The following COL15A1 variants were observed in gnomAD, a reference collection of about 807,000 sequenced individuals.
The protein encoded by COL15A1 is collagen type XV alpha 1 chain.
In COL15A1, 111 loss-of-function variants were observed where a neutral mutation model predicts 165.9. That is an observed-to-expected ratio of 0.67 (90% CI 0.57 to 0.78). The LOEUF (loss-of-function observed/expected upper bound fraction) is 0.78, where lower values mean the gene tolerates loss of function less well. Ranked by LOEUF, COL15A1 falls within the 30% of genes least tolerant of loss-of-function variation. The pLI is 0.00. For synonymous variants in COL15A1, 659 were observed against 674.8 expected (o/e 0.98, Z 0.36); for missense variants, 1,745 against 1,789.7 (o/e 0.98, Z 0.45).
At chr9:98,983,028 G>A (rs1054494788) in intron 2 of COL15A1, among the ~76,000 whole-genome samples, 5 of 151,986 alleles carry the variant, frequency 3.3e-5, no homozygotes, top group Admixed American at 1.3e-4. Context: ...CTAATTACTC[G>A]CTTTTTTTAA....
In COL15A1 at chr9:99,003,672, T is replaced by C. The variant is rs542789569; in HGVS notation, c.1200+85T>C. ...GGTGGGAGCAGTCACTGGCTTTCCC[T>C]ATGTGTCTGTGAAACACAGTGACAG... On this transcript the variant is annotated intron_variant, in intron 8 of 41. Transcript: ENST00000375001. The C allele has an allele frequency of 1.3e-5, 18 of 1,363,866 alleles. No individual in the cohort carries two copies. In the African/African-American group the frequency reaches 2.5e-4, roughly 19 times the overall value. The allele number at this position is 1,363,866 out of a possible 1,614,324, so 84.5% of individuals were successfully genotyped here. A position where few individuals can be genotyped will look rare whatever the true frequency, so the allele number is the denominator to read the frequency against.
chr9:99,022,056 T>A lies in COL15A1; in HGVS notation c.1702-35T>A, dbSNP rs753045377. 8.1e-6 allele frequency: 13 copies of A among 1,613,116 alleles called. 1 individual carries two copies. The South Asian group carries it at 1.4e-4, about 18-fold the overall frequency. On this transcript the variant is annotated intron_variant, in intron 12 of 41. Coordinates refer to ENST00000375001, the MANE Select transcript of COL15A1 (RefSeq NM_001855.5). The stretch of plus-strand genomic sequence containing the variant: ...AGGTGGGGAGATGGTAGGAACAGAG[T>A]TCCAGCCGTTCACTGACCATTTTGT...
Position 99,024,896 on chromosome 9 carries a change from C to T in COL15A1, c.1877C>T (p.Pro626Leu). ...TAGGGTCCTCCAGGACCCCCAGGGC[C>T]ACCTGGCTTACCTGGGATTCCAGGA... is the stretch of plus-strand genomic sequence containing the variant. ...LLRGPPGPPG[P>L]PGLPGIPGKP... Residue 626 changes from proline (P) to leucine (L), a missense_variant, in exon 15 of 42, where the codon CCA (proline) becomes CTA (leucine). By Grantham distance (98) the Pro-to-Leu change is moderately conservative (BLOSUM62 -3). Transcript: ENST00000375001. The T allele has an allele frequency of 6.2e-7, 1 of 1,613,996 alleles. No individual in the cohort carries two copies. The highest frequency in any genetic ancestry group is 8.5e-7 in the Non-Finnish European group (1 of 1,179,890).
At chr9:98,950,064 C>T (rs1055462953) in intron 2 of COL15A1, among the ~76,000 whole-genome samples, 1 of 152,132 alleles carries the variant, frequency 6.6e-6, no homozygotes, top group African/African-American at 2.4e-5. Context: ...TATGTATATA[C>T]CAAATTTTGT....
Position 99,052,328 on chromosome 9 carries a change from G to C in COL15A1, c.2905-60G>C, listed in dbSNP as rs1157065467. On this transcript the variant is annotated intron_variant, in intron 30 of 41. Coordinates refer to ENST00000375001, the MANE Select transcript of COL15A1 (RefSeq NM_001855.5). The stretch of plus-strand genomic sequence containing the variant: ...CATGCCCCCGGGACAGTGGCTGCCT[G>C]TTTCTGCAAACACCACGGCAGAGCT... 22 of 1,291,758 alleles carry C rather than the reference G, an allele frequency of 1.7e-5. 1 individual carries two copies. The highest frequency in any genetic ancestry group is 1.2e-4 in the South Asian group (10 of 84,556). 80.0% of individuals were successfully genotyped at this position (1,291,758 alleles called of 1,614,324 possible).
chr9:99,020,402 A>T lies in COL15A1; in HGVS notation c.1661A>T (p.His554Leu), dbSNP rs1449954698. 1.2e-6 allele frequency: 2 copies of T among 1,613,612 alleles called. No homozygotes were observed. The highest frequency in any genetic ancestry group is 1.7e-6 in the Non-Finnish European group (2 of 1,179,494). Residue 554 changes from histidine to leucine, a missense_variant, in exon 12 of 42, where the codon CAT (histidine) becomes CTT (leucine). Physicochemically the swap from His to Leu is moderately conservative, Grantham distance 99. Coordinates refer to ENST00000375001, the MANE Select transcript of COL15A1 (RefSeq NM_001855.5). ...ERWITPAQRE[H>L]VGMKGQAGPK... is the part of the protein sequence containing the mutation. ...TTCTTCTTTTAGGCTCAAAGAGAAC[A>T]TGTGGGAATGAAAGGACAGGCTGGG...
intron 14 of COL15A1, 69 bp from the exon 15 acceptor site, chr9:99,024,805 A>C (rs1350158755): frequency 2.1e-5 from 32 of 1,523,996 alleles, no homozygotes. Context: ...GAGAGATTGC[A>C]TGAAGCACAT....
rs1354689344 is a variant in COL15A1, at chr9:98,948,530, G to A, written c.100+4280G>A. Among the ~76,000 whole-genome samples the A allele has an allele frequency of 7.4e-4, 112 of 151,244 alleles. 1 individual carries two copies. Among genetic ancestry groups the A allele is most frequent in the African/African-American group, 1.2e-4 (5 of 41,128 alleles). On this transcript the variant is annotated intron_variant, in intron 2 of 41. Coordinates refer to ENST00000375001, the MANE Select transcript of COL15A1 (RefSeq NM_001855.5). Reference sequence around the variant, plus strand: ...GGAGAATAGCTTGAACCTGGGAGGCGGAGGTTGCAGTGAGCCAAGATCGCG... The same window carrying A: ...GGAGAATAGCTTGAACCTGGGAGGCAGAGGTTGCAGTGAGCCAAGATCGCG...
rs764954474 is a variant in COL15A1, at chr9:99,042,034, A to G, written c.2512-11A>G. ...ACGAACAACCAAATACTATATAACA[A>G]TTCCTTCCAGGGTCCTAGAGGACCA... On this transcript the variant is annotated splice_polypyrimidine_tract_variant and intron_variant, in intron 23 of 41. Coordinates refer to ENST00000375001, the MANE Select transcript of COL15A1 (RefSeq NM_001855.5). 1.8e-5 allele frequency: 28 copies of G among 1,586,270 alleles called. No homozygotes were observed. In the South Asian group the frequency reaches 2.8e-4, roughly 16 times the overall value.
chr9:99,023,919 C>G (rs894994005), intron 14 of COL15A1, among the ~76,000 whole-genome samples: 6 of 152,240 alleles, frequency 3.9e-5, no homozygotes, highest in African/African-American at 1.4e-4. Context: ...GCCTCCCTCT[C>G]CAGGCTACTC....
rs535923686 is a variant in COL15A1, at chr9:98,983,081, C to A, written c.101-2484C>A. Among the ~76,000 whole-genome samples the A allele has an allele frequency of 3.3e-5, 5 of 152,250 alleles. No homozygotes were observed. In the East Asian group the frequency reaches 9.6e-4, roughly 29 times the overall value. On this transcript the variant is annotated intron_variant, in intron 2 of 41. Transcript: ENST00000375001. ...CATAGCATAAAATTTGGTATTTTAA[C>A]CATTTAACAACCAAGTGTCTCATAT...
rs770341356 is a variant in COL15A1, at chr9:98,986,046, G to C, written c.582G>C (p.Leu194Phe). 6.2e-7 allele frequency: 1 copy of C among 1,613,960 alleles called. No homozygotes were observed. The highest frequency in any genetic ancestry group is 1.3e-5 in the African/African-American group (1 of 74,930). ...RIPFQRSSQA[L>F]AFESSAGIFM... is the part of the protein sequence containing the mutation. ...CCTTCCAGCGGTCCTCCCAGGCTTT[G>C]GCTTTTGAGTCCAGCGCTGGAATCT... The change falls in exon 3 of 42, where the codon TTG becomes TTC. Residue 194 changes from leucine to phenylalanine, a missense_variant. Leu to Phe is a conservative substitution (Grantham distance 22). Transcript: ENST00000375001.
In COL15A1 at chr9:99,000,950, A is replaced by C; in HGVS notation, c.1064A>C (p.Lys355Thr). 1 of 1,366,296 alleles carries C rather than the reference A, an allele frequency of 7.3e-7. No homozygotes were observed. The highest frequency in any genetic ancestry group is 1.0e-6 in the Non-Finnish European group (1 of 953,456). 84.6% of individuals were successfully genotyped at this position (1,366,296 alleles called of 1,614,324 possible). ...AGAFLDIAEE[K>T]NLAATAAGLA... ...GCCTTCCTTGACATTGCTGAAGAAA[A>C]GGTGAGTAGATGGTAAATTTCATTT... The change falls in exon 7 of 42, where the codon AAG becomes ACG. Residue 355 changes from lysine to threonine, a missense_variant and splice_region_variant. Coordinates refer to ENST00000375001, the MANE Select transcript of COL15A1 (RefSeq NM_001855.5).
At chr9:98,992,696 A>G (rs2118912521) in intron 5 of COL15A1, among the ~76,000 whole-genome samples, 1 of 152,342 alleles carries the variant, frequency 6.6e-6, no homozygotes, top group Admixed American at 6.5e-5. Context: ...GTTTCTTGCC[A>G]CCCTGCAAGG....
chr9:99,004,301 T>A (rs1432989584), intron 8 of COL15A1, among the ~76,000 whole-genome samples: 1 of 151,832 alleles, frequency 6.6e-6, no homozygotes, highest in Non-Finnish European at 1.5e-5. Flanking sequence ...GGAGTTTGGG[T>A]GAGTGGTGGT....
rs772425371 is a variant in COL15A1 at position 99,025,988 on chromosome 9, C to CCCA, written c.2043+27_2043+29dup. 6.9e-6 allele frequency: 11 copies of CCCA among 1,598,894 alleles called. No individual in the cohort carries two copies. The East Asian group carries it at 2.2e-4, about 33-fold the overall frequency. On this transcript the variant is annotated intron_variant, in intron 16 of 41. Transcript: ENST00000375001. Reference sequence around the variant, plus strand: ...GAAGGTACGGGGAACACGGGAGGGTCCCACCACATGGGAGCCACCAGGCCC... The same window carrying CCCA: ...GAAGGTACGGGGAACACGGGAGGGTCCCACCACCACATGGGAGCCACCAGGCCC...
chr9:99,024,985 G>T lies in COL15A1; in HGVS notation c.1966G>T (p.Glu656Ter). The T allele has an allele frequency of 2.5e-6, 4 of 1,613,518 alleles. No homozygotes were observed. Among genetic ancestry groups the T allele is most frequent in the Non-Finnish European group, 3.4e-6 (4 of 1,179,738 alleles). Residue 656 changes from glutamate (E) to a stop codon, truncating the protein, a stop_gained, in exon 15 of 42, where the codon GAA becomes TAA. Coordinates refer to ENST00000375001, the MANE Select transcript of COL15A1 (RefSeq NM_001855.5). LOFTEE classifies it high-confidence loss of function. ...GSPGEDGPAG[E>*]PGPPGPEGQP... ...TCCTGGAGAGGATGGACCTGCTGGT[G>T]AACCTGGGCCCCCGGTGAGCAACTG...
rs375715330 is a variant in COL15A1, at chr9:98,985,605, C to T, written c.141C>T (p.Ile47=). ...SQGHLDLTQL[I]GVPLPSSVSF... ...GTCACCTGGACCTCACGCAGCTCAT[C>T]GGTGTCCCGCTGCCCTCGTCCGTAT... The change falls in exon 3 of 42, where the codon ATC becomes ATT. Residue 47 remains isoleucine, a synonymous_variant. Transcript: ENST00000375001. 2.2e-5 allele frequency: 36 copies of T among 1,614,096 alleles called. No homozygotes were observed. The Admixed American group carries it at 5.3e-4, about 24-fold the overall frequency.
Position 99,069,671 on chromosome 9 carries a change from A to G in COL15A1, c.3954-2A>G. The G allele has an allele frequency of 6.3e-7, 1 of 1,591,248 alleles. No individual in the cohort carries two copies. The highest frequency in any genetic ancestry group is 8.6e-7 in the Non-Finnish European group (1 of 1,164,126). ...AAATAACATGACAAAATTACTTTATAGGCCCCAGAAAGTCATTTGGCATGG... is the reference window on the plus strand; with the variant it reads ...AAATAACATGACAAAATTACTTTATGGGCCCCAGAAAGTCATTTGGCATGG... On this transcript the variant is annotated splice_acceptor_variant, in intron 41 of 41. Transcript: ENST00000375001. LOFTEE classifies it high-confidence loss of function.
Sources: allele counts gnomAD v4.1 joint callset (sites outside exome capture counted in the v4.1 genomes callset), GRCh38; gene constraint gnomAD v4.1.1; transcripts MANE v1.5; gene names NCBI Gene and HGNC (gene_info 2026-07-23, HGNC 2026-07-21).